Variants in KATNBL1 observed in about 807,000 individuals in gnomAD.
KATNBL1 encodes katanin regulatory subunit B1 like 1, also known as KATNB1-like protein 1.
KATNBL1 carries 28 observed loss-of-function variants against 44.7 expected under a neutral mutation model. That is an observed-to-expected ratio of 0.63 (90% CI 0.46 to 0.86). The LOEUF is 0.86. Among genes scored for constraint, KATNBL1 ranks in the 40% least tolerant of loss-of-function variants. The pLI, the probability that KATNBL1 is intolerant of heterozygous loss-of-function variation, is 0.00. For missense variants in KATNBL1, 272 were observed against 350.7 expected (o/e 0.78, Z 1.79); for synonymous variants, 78 against 114.9 (o/e 0.68, Z 2.06).
At chr15:34,164,721 T>C (rs932942091) in intron 1 of KATNBL1, among the ~76,000 whole-genome samples, 2 of 152,244 alleles carry the variant, frequency 1.3e-5, no homozygotes, top group Admixed American at 1.3e-4. Context: ...TTATTCTTTC[T>C]TTAAACATCT....
intron 1 of KATNBL1, among the ~76,000 whole-genome samples, chr15:34,173,511 C>A (rs906069212): frequency 6.6e-6 from 1 of 151,842 alleles, no homozygotes; most frequent in Admixed American, 6.6e-5. Flanking sequence ...ACACAGAGTT[C>A]CCAAAAATTT....
At chr15:34,170,402 G>A (rs1008499002) in intron 1 of KATNBL1, among the ~76,000 whole-genome samples, 1 of 152,142 alleles carries the variant, frequency 6.6e-6, no homozygotes, top group Non-Finnish European at 1.5e-5. Context: ...ACCTCTTCAA[G>A]GAGAACTACA....
intron 1 of KATNBL1, among the ~76,000 whole-genome samples, chr15:34,192,355 G>A (rs1056011250): frequency 2.7e-5 from 4 of 149,072 alleles, no homozygotes; most frequent in Non-Finnish European, 1.5e-5. Flanking sequence ...AGTGAGCAGA[G>A]ATGGCGCCAC....
At chr15:34,167,555 A>G (rs150214351) in intron 1 of KATNBL1, among the ~76,000 whole-genome samples, 350 of 152,292 alleles carry the variant, frequency 2.3e-3, no homozygotes, top group East Asian at 2.7e-3. Context: ...TCCCCAACCT[A>G]GCAAGGCAGG....
chr15:34,160,366 A>G (rs546622473), intron 2 of KATNBL1, among the ~76,000 whole-genome samples: 126 of 152,202 alleles, frequency 8.3e-4, no homozygotes, highest in African/African-American at 2.8e-3. Flanking sequence ...CTTCTCTTAG[A>G]AGCTCTTCTA....
intron 1 of KATNBL1, among the ~76,000 whole-genome samples, chr15:34,180,063 C>G (rs962437736): frequency 1.3e-5 from 2 of 152,148 alleles, no homozygotes; most frequent in African/African-American, 4.8e-5. Flanking sequence ...TTGGACTTTG[C>G]TCCCACAAAC....
intron 1 of KATNBL1, among the ~76,000 whole-genome samples, chr15:34,181,680 A>G (rs1889544849): frequency 1.2e-5 from 1 of 86,094 alleles, no homozygotes; most frequent in Admixed American, 1.5e-4. Context: ...ATATATACAC[A>G]TATATATGTC....
intron 5 of KATNBL1, among the ~76,000 whole-genome samples, chr15:34,147,717 C>G (rs1373817844): frequency 6.6e-6 from 1 of 152,002 alleles, no homozygotes; most frequent in African/African-American, 2.4e-5. Flanking sequence ...AAAAATAAAA[C>G]AGGAAAGCGA....
At chr15:34,145,156 A>G (rs1888269492) in intron 9 of KATNBL1, 2 of 1,296,536 alleles carry the variant, frequency 1.5e-6, no homozygotes, top group Middle Eastern at 2.1e-4. Flanking sequence ...CCCTCTGTAA[A>G]TATCCTCTAG....
chr15:34,188,130 C>T (rs780215386), intron 1 of KATNBL1, among the ~76,000 whole-genome samples: 6 of 22,522 alleles, frequency 2.7e-4, no homozygotes, highest in Non-Finnish European at 5.4e-4. Flanking sequence ...CAGAGGAAGA[C>T]GCCATGTAAA....
chr15:34,172,748 CACACAGACACAG>C (rs1889205013), intron 1 of KATNBL1, among the ~76,000 whole-genome samples: 1 of 111,538 alleles, frequency 9.0e-6, no homozygotes, highest in Non-Finnish European at 1.8e-5. Flanking sequence ...GACACATAGA[CACACAGACACAG>C]ACACACACAC....
At chr15:34,155,093 G>T (rs534292538) in intron 2 of KATNBL1, among the ~76,000 whole-genome samples, 400 of 152,300 alleles carry the variant, frequency 2.6e-3, no homozygotes, top group South Asian at 3.9e-3. Context: ...CTAGAAGGGG[G>T]TTGTTTACTG....
In KATNBL1 at chr15:34,186,741, C is replaced by T. The variant is rs570274416; in HGVS notation, c.-14-23051G>A. Reference sequence around the variant, plus strand: ...GCCTGGCCTCTCTCTGCTCCCAGCACCTGCTCTGATCTGAGAGCAGGGTTG... The same window carrying T: ...GCCTGGCCTCTCTCTGCTCCCAGCATCTGCTCTGATCTGAGAGCAGGGTTG... On this transcript the variant is annotated intron_variant, in intron 1 of 9. Coordinates refer to ENST00000256544, the MANE Select transcript of KATNBL1 (RefSeq NM_024713.3). 3.0e-3 allele frequency among the ~76,000 whole-genome samples: 464 copies of T among 152,350 alleles called. 5 individuals carry two copies. The highest frequency in any genetic ancestry group is 0.011 in the African/African-American group (453 of 41,580).
At chr15:34,158,111 G>A (rs1888691638) in intron 2 of KATNBL1, among the ~76,000 whole-genome samples, 1 of 152,174 alleles carries the variant, frequency 6.6e-6, no homozygotes, top group African/African-American at 2.4e-5. Context: ...GTGGTTTTCT[G>A]AGGGTCTGCT....
At chr15:34,175,956 T>C (rs939924695) in intron 1 of KATNBL1, among the ~76,000 whole-genome samples, 9 of 152,124 alleles carry the variant, frequency 5.9e-5, no homozygotes, top group Non-Finnish European at 1.2e-4. Flanking sequence ...GACAAAGATA[T>C]GTATGCAAAT....
intron 9 of KATNBL1, 51 bp from the exon 10 acceptor site, chr15:34,142,422 C>G: frequency 6.5e-7 from 1 of 1,534,232 alleles, no homozygotes; most frequent in Non-Finnish European, 8.8e-7. Flanking sequence ...TAAATACAAA[C>G]ATAAACAATC....
chr15:34,179,432 C>CA (rs1438796514), intron 1 of KATNBL1, among the ~76,000 whole-genome samples: 1 of 152,208 alleles, frequency 6.6e-6, no homozygotes, highest in East Asian at 1.9e-4. Flanking sequence ...TCAACACTGT[C>CA]ACATAGGGGA....
chr15:34,145,210 A>G (rs1888271679), intron 9 of KATNBL1, 188 bp downstream of exon 9: 2 of 1,382,502 alleles, frequency 1.4e-6, no homozygotes, highest in Admixed American at 2.2e-5. Context: ...TCAATGGCCA[A>G]TTCCTGTGCT....
At chr15:34,168,312 T>C (rs913483891) in intron 1 of KATNBL1, among the ~76,000 whole-genome samples, 2 of 152,132 alleles carry the variant, frequency 1.3e-5, no homozygotes, top group African/African-American at 2.4e-5. Context: ...AAACAGACTT[T>C]AAGCCAACAA....
Sources: gnomAD v4.1 joint callset for allele counts (sites outside exome capture counted in the v4.1 genomes callset) on GRCh38, gnomAD v4.1.1 for gene constraint, MANE v1.5 for transcripts, NCBI Gene and HGNC (gene_info 2026-07-23, HGNC 2026-07-21) for gene names.